The following ACAD9 variants were observed in gnomAD, a reference collection of about 807,000 sequenced individuals.
The protein encoded by ACAD9 is acyl-CoA dehydrogenase family member 9, also known as complex I assembly factor ACAD9, mitochondrial.
ACAD9 carries 53 observed loss-of-function variants against 70.2 expected under a neutral mutation model. The observed-to-expected ratio is 0.75, with a 90% CI of 0.61 to 0.95. The LOEUF (loss-of-function observed/expected upper bound fraction) is 0.95. ACAD9 is among the 40% of genes least tolerant of loss of function. The pLI is 0.00. For missense variants in ACAD9, 777 were observed against 802.8 expected, an observed-to-expected ratio of 0.97 and a Z score of 0.39; for synonymous variants, 313 against 312.1, an observed-to-expected ratio of 1.00 and a Z score of -0.03.
At position 128,910,476 on chromosome 3, in the gene ACAD9, C is replaced by G. The variant is rs1936160272; in HGVS notation, c.1693-265C>G. 7.1e-6 allele frequency: 6 copies of G among 848,682 alleles called. No individual in the cohort carries two copies. In the African/African-American group the frequency reaches 1.0e-4, roughly 14 times the overall value. The allele number at this position is 848,682 out of a possible 1,614,324, so 52.6% of individuals were successfully genotyped here. A position where few individuals can be genotyped will look rare whatever the true frequency, so the allele number is the denominator to read the frequency against. The stretch of plus-strand genomic sequence containing the variant: ...GACCCACTGTATACCAGGATCTCTG[C>G]CTGCACTTTCCAGAGCACCTGCAGA... On this transcript the variant is annotated intron_variant, in intron 16 of 17. Transcript: ENST00000308982.
chr3:128,897,977 C>T (rs923071458), intron 6 of ACAD9, among the ~76,000 whole-genome samples: 17 of 151,984 alleles, frequency 1.1e-4, no homozygotes, highest in Admixed American at 9.8e-4. Flanking sequence ...CTGCCTTAGC[C>T]TCCTGGGTAG....
In ACAD9 at chr3:128,891,347, A is replaced by G. The variant is rs375828063; in HGVS notation, c.245-2208A>G. Among the ~76,000 whole-genome samples, 3 of 151,380 alleles carry G rather than the reference A, an allele frequency of 2.0e-5. No homozygotes were observed. In the East Asian group the frequency reaches 6.0e-4, roughly 30 times the overall value. ...ATGTCTAGAAAAGTTTCAGCCAGGCATGGTGGCTCATGCCCGTAATGCCAG... is the reference window on the plus strand; with the variant it reads ...ATGTCTAGAAAAGTTTCAGCCAGGCGTGGTGGCTCATGCCCGTAATGCCAG... On this transcript the variant is annotated intron_variant, in intron 2 of 17. Coordinates refer to ENST00000308982, the MANE Select transcript of ACAD9 (RefSeq NM_014049.5).
At chr3:128,894,833 C>G (rs1935523421) in intron 3 of ACAD9, among the ~76,000 whole-genome samples, 1 of 151,678 alleles carries the variant, frequency 6.6e-6, no homozygotes, top group Non-Finnish European at 1.5e-5. Flanking sequence ...CTGTGCCCAG[C>G]CCTCGATTTT....
At chr3:128,885,707 A>C (rs371424240) in intron 2 of ACAD9, among the ~76,000 whole-genome samples, 5 of 151,898 alleles carry the variant, frequency 3.3e-5, no homozygotes, top group African/African-American at 1.2e-4. Context: ...TTAGAAATTA[A>C]AACTGAGAAA....
At chr3:128,882,514 G>T (rs930107342) in intron 1 of ACAD9, among the ~76,000 whole-genome samples, 3 of 152,182 alleles carry the variant, frequency 2.0e-5, no homozygotes, top group Admixed American at 2.0e-4. Context: ...GCCTTACTGG[G>T]ATTAGAGCAG....
chr3:128,912,702 A>G lies in ACAD9; in HGVS notation c.*95A>G, dbSNP rs756903759. On this transcript the variant is annotated 3_prime_UTR_variant, in exon 18 of 18. Coordinates refer to ENST00000308982, the MANE Select transcript of ACAD9 (RefSeq NM_014049.5). Reference sequence around the variant, plus strand: ...TTTTTCAGAAGGTGTTGGGATTATCACAGGTTAAGCCTTTTGTTCCCCGTC... The same window carrying G: ...TTTTTCAGAAGGTGTTGGGATTATCGCAGGTTAAGCCTTTTGTTCCCCGTC... The G allele has an allele frequency of 8.6e-7, 1 of 1,167,322 alleles. No individual in the cohort carries two copies. Among genetic ancestry groups the G allele is most frequent in the Admixed American group, 1.7e-5 (1 of 59,306 alleles). 72.3% of individuals were successfully genotyped at this position (1,167,322 alleles called of 1,614,324 possible).
At chr3:128,908,767 T>G in intron 13 of ACAD9, 1 of 704,302 alleles carries the variant, frequency 1.4e-6, no homozygotes, top group Non-Finnish European at 2.4e-6. Context: ...CCACCCCTCA[T>G]GGGGGAGCAT....
intron 17 of ACAD9, among the ~76,000 whole-genome samples, chr3:128,912,032 C>G (rs955323914): frequency 3.9e-5 from 6 of 152,220 alleles, no homozygotes; most frequent in Non-Finnish European, 7.3e-5. Flanking sequence ...ACCTGAGGTT[C>G]TGGATCAGTG....
In ACAD9 at chr3:128,879,946, G is replaced by GATAC. The variant is rs768189997; in HGVS notation, c.150+107_150+110dup. On this transcript the variant is annotated intron_variant, in intron 1 of 17. Coordinates refer to ENST00000308982, the MANE Select transcript of ACAD9 (RefSeq NM_014049.5). ...TGAGATTCCCCAAACCTGCCAGAGAGATACACCCTGCGGCCGAGGCGTGTT... is the reference window on the plus strand; with the variant it reads ...TGAGATTCCCCAAACCTGCCAGAGAGATACATACACCCTGCGGCCGAGGCGTGTT... The GATAC allele has an allele frequency of 2.6e-5, 41 of 1,587,796 alleles. 2 individuals are homozygous for GATAC. In the South Asian group the frequency reaches 3.8e-4, roughly 15 times the overall value.
chr3:128,894,333 C>T (rs1038274306), intron 3 of ACAD9, among the ~76,000 whole-genome samples: 5 of 152,146 alleles, frequency 3.3e-5, no homozygotes, highest in Non-Finnish European at 7.3e-5. Context: ...GGATACTGGG[C>T]AGTGGGTCAC....
At chr3:128,898,970 G>A (rs915903994) in intron 6 of ACAD9, among the ~76,000 whole-genome samples, 1 of 152,168 alleles carries the variant, frequency 6.6e-6, no homozygotes, top group Non-Finnish European at 1.5e-5. Flanking sequence ...CTTAAGAAAT[G>A]ATTAAACCCT....
chr3:128,891,077 T>C (rs1028927812), intron 2 of ACAD9, among the ~76,000 whole-genome samples: 2 of 151,914 alleles, frequency 1.3e-5, no homozygotes, highest in African/African-American at 4.8e-5. Flanking sequence ...CTCCTGACCT[T>C]GTGATCCACC....
intron 7 of ACAD9, among the ~76,000 whole-genome samples, chr3:128,899,993 G>C (rs1935689000): frequency 6.6e-6 from 1 of 152,162 alleles, no homozygotes; most frequent in Non-Finnish European, 1.5e-5. Flanking sequence ...ATGCAGTGCT[G>C]TGATCTCAGC....
intron 7 of ACAD9, among the ~76,000 whole-genome samples, chr3:128,900,394 C>T (rs115225846): frequency 0.042 from 6,364 of 152,256 alleles, 170 homozygotes; most frequent in Non-Finnish European, 0.059. Context: ...CCTGCCACCA[C>T]GTCCGGCTAA....
chr3:128,887,257 G>C (rs927659663), intron 2 of ACAD9, among the ~76,000 whole-genome samples: 8 of 152,040 alleles, frequency 5.3e-5, no homozygotes, highest in Admixed American at 3.9e-4. Flanking sequence ...ACACTTCCAG[G>C]ACATAGGGCT....
At chr3:128,897,754 C>A in intron 6 of ACAD9, 44 bp downstream of exon 6, 1 of 1,554,262 alleles carries the variant, frequency 6.4e-7, no homozygotes, top group African/African-American at 1.4e-5. Flanking sequence ...TCAGTCACAA[C>A]CTTCACTGCC....
At position 128,895,351 on chromosome 3, in the gene ACAD9, G is replaced by A. The variant is rs1935540558; in HGVS notation, c.388G>A (p.Glu130Lys). 6.2e-7 allele frequency: 1 copy of A among 1,613,066 alleles called. No individual in the cohort carries two copies. Among genetic ancestry groups the A allele is most frequent in the South Asian group, 1.1e-5 (1 of 90,724 alleles). The change falls in exon 4 of 18, where the codon GAG becomes AAG. Residue 130 changes from glutamate (E) to lysine (K), a missense_variant. Coordinates refer to ENST00000308982, the MANE Select transcript of ACAD9 (RefSeq NM_014049.5). ...FSNTMYSRLG[E>K]IISMDGSITV... ...CAACACCATGTACTCAAGACTAGGG[G>A]AGATCATCAGCATGGATGGGTCCAT...
At chr3:128,891,782 G>GT (rs143264361) in intron 2 of ACAD9, among the ~76,000 whole-genome samples, 1 of 152,074 alleles carries the variant, frequency 6.6e-6, no homozygotes. Flanking sequence ...TGTACATAGT[G>GT]TTTTTTTCAT....
intron 16 of ACAD9, 30 bp downstream of exon 16, chr3:128,910,179 TG>T (rs1461442457): frequency 4.3e-6 from 7 of 1,613,576 alleles, no homozygotes; most frequent in Non-Finnish European, 4.2e-6. Context: ...ACACAGGGCC[TG>T]GCTGCTGCCA....
Sources: gnomAD v4.1 joint callset for allele counts (sites outside exome capture counted in the v4.1 genomes callset) on GRCh38, gnomAD v4.1.1 for gene constraint, MANE v1.5 for transcripts, NCBI Gene and HGNC (gene_info 2026-07-23, HGNC 2026-07-21) for gene names.